SLC24A3: variants seen among roughly 807,000 people sequenced by gnomAD.
SLC24A3 encodes the protein solute carrier family 24 member 3.
SLC24A3 carries 28 observed loss-of-function variants against 75.8 expected under a neutral mutation model. That is an observed-to-expected ratio of 0.37 (90% confidence interval 0.27 to 0.51). SLC24A3 has a LOEUF of 0.51. SLC24A3 is among the 20% of genes least tolerant of loss of function. The pLI, the probability that SLC24A3 is intolerant of heterozygous loss-of-function variation, is 0.94. For synonymous variants in SLC24A3, 372 were observed against 334.1 expected, an observed-to-expected ratio of 1.11 and a Z score of -1.24; for missense variants, 663 against 847.8, an observed-to-expected ratio of 0.78 and a Z score of 2.71.
At chr20:19,549,956 C>T (rs1451417132) in intron 3 of SLC24A3, among the ~76,000 whole-genome samples, 2 of 152,190 alleles carry the variant, frequency 1.3e-5, no homozygotes, top group Non-Finnish European at 2.9e-5. Flanking sequence ...AGAAAAACTA[C>T]ATAACCTTCC....
chr20:19,346,317 G>GTA (rs796384417), intron 2 of SLC24A3, among the ~76,000 whole-genome samples: 3 of 84,942 alleles, frequency 3.5e-5, no homozygotes, highest in East Asian at 4.5e-4. Context: ...TATATATATG[G>GTA]TATATATATA....
chr20:19,418,310 A>G (rs1442966380), intron 2 of SLC24A3, among the ~76,000 whole-genome samples: 1 of 152,214 alleles, frequency 6.6e-6, no homozygotes, highest in Non-Finnish European at 1.5e-5. Context: ...CATGCTGTAT[A>G]AAAAGAACAT....
intron 2 of SLC24A3, among the ~76,000 whole-genome samples, chr20:19,336,093 T>A (rs534552171): frequency 7.0e-6 from 1 of 142,326 alleles, no homozygotes; most frequent in Admixed American, 7.0e-5. Context: ...CACTTAGAAG[T>A]AAGACTTTAA....
chr20:19,709,565 T>C (rs981539581), intron 15 of SLC24A3, among the ~76,000 whole-genome samples: 1 of 151,816 alleles, frequency 6.6e-6, no homozygotes, highest in African/African-American at 2.4e-5. Flanking sequence ...GAAGTCGCAG[T>C]GAACTGAGAT....
intron 2 of SLC24A3, among the ~76,000 whole-genome samples, chr20:19,356,666 G>A (rs1255879156): frequency 6.6e-6 from 1 of 152,066 alleles, no homozygotes; most frequent in Non-Finnish European, 1.5e-5. Flanking sequence ...GTGTCTCCTG[G>A]TGGGATGAAT....
chr20:19,255,378 G>T, intron 1 of SLC24A3, among the ~76,000 whole-genome samples: 1 of 152,238 alleles, frequency 6.6e-6, no homozygotes, highest in Admixed American at 6.5e-5. Context: ...GTCCCACTGG[G>T]CCTGTGCCCT....
At chr20:19,549,224 C>T (rs1267222775) in intron 3 of SLC24A3, among the ~76,000 whole-genome samples, 2 of 152,176 alleles carry the variant, frequency 1.3e-5, no homozygotes, top group African/African-American at 4.8e-5. Flanking sequence ...GCTGGGTAGC[C>T]ACTTCTCTGT....
At chr20:19,570,171 C>G (rs1295735886) in intron 3 of SLC24A3, among the ~76,000 whole-genome samples, 1 of 151,604 alleles carries the variant, frequency 6.6e-6, no homozygotes, top group Non-Finnish European at 1.5e-5. Context: ...GAAGGGGAAG[C>G]AGGCACATCT....
intron 2 of SLC24A3, among the ~76,000 whole-genome samples, chr20:19,489,109 C>T (rs1988169755): frequency 6.6e-6 from 1 of 152,350 alleles, no homozygotes; most frequent in Non-Finnish European, 1.5e-5. Context: ...CTGGGGAAGT[C>T]ACCTAGCCTA....
chr20:19,647,302 C>T (rs1160674018), intron 6 of SLC24A3, among the ~76,000 whole-genome samples: 2 of 152,194 alleles, frequency 1.3e-5, no homozygotes, highest in Non-Finnish European at 2.9e-5. Flanking sequence ...GAATCACCTC[C>T]CAAGATAAAC....
chr20:19,215,014 TG>T (rs1981515072), intron 1 of SLC24A3, among the ~76,000 whole-genome samples: 1 of 152,200 alleles, frequency 6.6e-6, no homozygotes, highest in Non-Finnish European at 1.5e-5. Context: ...TGAGTTGAAA[TG>T]GTCTCCAATC....
intron 15 of SLC24A3, among the ~76,000 whole-genome samples, chr20:19,709,414 C>T (rs2032966621): frequency 6.6e-6 from 1 of 151,990 alleles, no homozygotes; most frequent in African/African-American, 2.4e-5. Context: ...TCATTCAGGA[C>T]TCTTACAAAC....
chr20:19,704,957 G>A (rs1206956395), intron 15 of SLC24A3, among the ~76,000 whole-genome samples: 1 of 152,174 alleles, frequency 6.6e-6, no homozygotes, highest in Non-Finnish European at 1.5e-5. Context: ...CAGCCAGAAA[G>A]AGGCAGAGAG....
At chr20:19,213,096 G>A in intron 1 of SLC24A3, 112 bp downstream of exon 1, 1 of 1,118,778 alleles carries the variant, frequency 8.9e-7, no homozygotes. Flanking sequence ...CAGGATAAGC[G>A]GGCTGGGTTG....
chr20:19,620,952 A>T (rs983450986), intron 6 of SLC24A3, among the ~76,000 whole-genome samples: 1 of 152,152 alleles, frequency 6.6e-6, no homozygotes, highest in Non-Finnish European at 1.5e-5. Context: ...AACTCTGAAA[A>T]GGCTTCTTAC....
chr20:19,467,688 C>G lies in SLC24A3; in HGVS notation c.272-47800C>G, dbSNP rs140012825. Among the ~76,000 whole-genome samples the G allele has an allele frequency of 6.5e-3, 992 of 152,234 alleles. 5 individuals are homozygous for G. Among genetic ancestry groups the G allele is most frequent in the Non-Finnish European group, 0.011 (768 of 68,022 alleles). ...CTGAGGTCAGGAAGTCGAGACCAGC[C>G]TGGCCAACATGGTGAAACCCCATCT... On this transcript the variant is annotated intron_variant, in intron 2 of 16. Transcript: ENST00000328041.
At chr20:19,504,024 C>A (rs1988426868) in intron 2 of SLC24A3, among the ~76,000 whole-genome samples, 1 of 152,182 alleles carries the variant, frequency 6.6e-6, no homozygotes, top group African/African-American at 2.4e-5. Context: ...GCGCACATGT[C>A]CCTGTTCCTA....
chr20:19,459,801 A>G (rs4622803), intron 2 of SLC24A3, among the ~76,000 whole-genome samples: 82,844 of 151,992 alleles, frequency 0.55, 22,863 homozygotes, highest in Non-Finnish European at 0.58. Context: ...GGTATCACTC[A>G]ATCACCTCCC....
chr20:19,600,984 C>T (rs2031520279), intron 6 of SLC24A3, among the ~76,000 whole-genome samples: 1 of 152,176 alleles, frequency 6.6e-6, no homozygotes, highest in Admixed American at 6.5e-5. Context: ...TCATATGGTT[C>T]TGGAGGCTAA....
Sources: allele counts gnomAD v4.1 joint callset (sites outside exome capture counted in the v4.1 genomes callset), GRCh38; gene constraint gnomAD v4.1.1; transcripts MANE v1.5; gene names NCBI Gene and HGNC (gene_info 2026-07-23, HGNC 2026-07-21).